Variants in TRPM7 observed in about 807,000 individuals in gnomAD.
The protein encoded by TRPM7 is LTRPC ion channel family member 7.
A neutral mutation model predicts 229.7 loss-of-function variants in TRPM7; 134 were observed. That is an observed-to-expected ratio of 0.58 (90% CI 0.51 to 0.67). The LOEUF (loss-of-function observed/expected upper bound fraction) is 0.67, where lower values mean the gene tolerates loss of function less well. Ranked by LOEUF, TRPM7 falls within the 30% of genes least tolerant of loss-of-function variation. The pLI, the probability that TRPM7 is intolerant of heterozygous loss-of-function variation, is 0.00. For synonymous variants in TRPM7, 699 were observed against 715.2 expected (o/e 0.98, Z 0.36); for missense variants, 1,901 against 2,210.0 (o/e 0.86, Z 2.80).
rs1278809033 is a variant in TRPM7, at chr15:50,558,465, G to A, written c.*3213C>T. The A allele has an allele frequency of 6.6e-6, 1 of 152,204 alleles. No individual in the cohort carries two copies. The highest frequency in any genetic ancestry group is 1.5e-5 in the Non-Finnish European group (1 of 68,096). 9.4% of individuals were successfully genotyped at this position (152,204 alleles called of 1,614,324 possible). A position where few individuals can be genotyped will look rare whatever the true frequency, so the allele number is the denominator to read the frequency against. On this transcript the variant is annotated 3_prime_UTR_variant, in exon 39 of 39. Transcript: ENST00000646667. ...CCCAGTACTTTGGGTAGCCGGGGGA[G>A]GTGGATCACTTGAGGTCAGGAGTTT...
chr15:50,581,147 T>A (rs2414059), intron 29 of TRPM7, among the ~76,000 whole-genome samples: 72,898 of 151,986 alleles, frequency 0.48, 17,718 homozygotes, highest in Admixed American at 0.56. Context: ...CCCACAACAT[T>A]GTCTTTCTAT....
rs969419090 is a variant in TRPM7, at chr15:50,673,270, G to GT, written c.4-10225dup. ...ACCTATACTATTTTTTATTTTTATTGTTTTTTACTTATTTCCATAGGTTAT... is the reference window on the plus strand; with the variant it reads ...ACCTATACTATTTTTTATTTTTATTGTTTTTTTACTTATTTCCATAGGTTAT... On this transcript the variant is annotated intron_variant, in intron 1 of 38. Coordinates refer to ENST00000646667, the MANE Select transcript of TRPM7 (RefSeq NM_017672.6). 1.8e-4 allele frequency among the ~76,000 whole-genome samples: 27 copies of GT among 151,866 alleles called. 1 individual carries two copies. Among genetic ancestry groups the GT allele is most frequent in the Admixed American group, 1.3e-4 (2 of 15,214 alleles).
chr15:50,592,920 T>C (rs1372418334), intron 25 of TRPM7, among the ~76,000 whole-genome samples: 2 of 152,198 alleles, frequency 1.3e-5, no homozygotes, highest in East Asian at 1.9e-4. Context: ...GCTACATATA[T>C]ACAGAACTAC....
chr15:50,587,136 C>T (rs1453029224), intron 27 of TRPM7, among the ~76,000 whole-genome samples: 6 of 152,196 alleles, frequency 3.9e-5, no homozygotes. Flanking sequence ...AAGCTATTAT[C>T]TTACATGTAT....
chr15:50,635,664 CAAAAAAAAAAAAAA>C (rs765054880), intron 7 of TRPM7, among the ~76,000 whole-genome samples: 31 of 56,572 alleles, frequency 5.5e-4, no homozygotes, highest in Admixed American at 1.2e-3. Context: ...CTCCATCTCC[CAAAAAAAAAAAAAA>C]AAAAAAAAAA....
At chr15:50,637,023 G>A (rs922926628) in intron 7 of TRPM7, among the ~76,000 whole-genome samples, 2 of 152,078 alleles carry the variant, frequency 1.3e-5, no homozygotes, top group Middle Eastern at 6.3e-3. Context: ...CTACTCAGGA[G>A]GCTGAGGCAG....
At chr15:50,594,807 G>T (rs536452670) in intron 23 of TRPM7, among the ~76,000 whole-genome samples, 194 bp from the exon 24 acceptor site, 6 of 151,990 alleles carry the variant, frequency 3.9e-5, no homozygotes, top group African/African-American at 1.4e-4. Context: ...ACATTCAGCA[G>T]AAAAAAATAA....
intron 27 of TRPM7, among the ~76,000 whole-genome samples, chr15:50,587,984 G>C (rs1428824648): frequency 6.6e-6 from 1 of 151,682 alleles, no homozygotes; most frequent in Non-Finnish European, 1.5e-5. Flanking sequence ...TCTTTTTATC[G>C]TGTGTCAGCT....
Position 50,559,538 on chromosome 15 carries a change from A to C in TRPM7, c.*2140T>G, listed in dbSNP as rs2053233454. The C allele has an allele frequency of 6.6e-6, 1 of 152,152 alleles. No individual in the cohort carries two copies. Among genetic ancestry groups the C allele is most frequent in the Admixed American group, 6.6e-5 (1 of 15,254 alleles). 9.4% of individuals were successfully genotyped at this position (152,152 alleles called of 1,614,324 possible). The stretch of plus-strand genomic sequence containing the variant: ...AAACAAAACAAAACAAAACAAAAAC[A>C]GTATAGATGAAAGGCAGCCAGCCTG... On this transcript the variant is annotated 3_prime_UTR_variant, in exon 39 of 39. Transcript: ENST00000646667.
chr15:50,682,928 G>A (rs2062274067), intron 1 of TRPM7, among the ~76,000 whole-genome samples: 1 of 150,802 alleles, frequency 6.6e-6, no homozygotes, highest in Non-Finnish European at 1.5e-5. Context: ...ACAGGGTCTG[G>A]TTCTGTTACC....
intron 2 of TRPM7, among the ~76,000 whole-genome samples, chr15:50,661,996 T>C (rs1174749848): frequency 1.3e-5 from 2 of 152,196 alleles, no homozygotes. Context: ...GGCAGGCAGA[T>C]GACCTCAGGT....
chr15:50,648,968 A>T (rs1426295622), intron 3 of TRPM7, 83 bp from the exon 4 acceptor site: 1 of 1,020,248 alleles, frequency 9.8e-7, no homozygotes, highest in African/African-American at 1.6e-5. Context: ...ATGAACCGAC[A>T]AATATAAGCT....
At chr15:50,653,625 T>TA in intron 3 of TRPM7, among the ~76,000 whole-genome samples, 1 of 152,242 alleles carries the variant, frequency 6.6e-6, no homozygotes, top group South Asian at 2.1e-4. Context: ...TTCTCAATCA[T>TA]AGAGATGACA....
At chr15:50,596,561 A>G (rs12441679) in intron 22 of TRPM7, among the ~76,000 whole-genome samples, 180 bp from the exon 23 acceptor site, 50,087 of 152,054 alleles carry the variant, frequency 0.33, 10,063 homozygotes, top group Admixed American at 0.47. Flanking sequence ...ACCCCAGCTT[A>G]AGAGTGTTCA....
At chr15:50,677,519 T>G (rs1445289570) in intron 1 of TRPM7, among the ~76,000 whole-genome samples, 1 of 151,628 alleles carries the variant, frequency 6.6e-6, no homozygotes, top group Non-Finnish European at 1.5e-5. Flanking sequence ...GGCAGGCGGA[T>G]CGCAAGGTCA....
chr15:50,670,278 C>T (rs1014341379), intron 1 of TRPM7, among the ~76,000 whole-genome samples: 2 of 152,018 alleles, frequency 1.3e-5, no homozygotes, highest in Non-Finnish European at 2.9e-5. Context: ...AGAGTGACTC[C>T]ATCTTGAATA....
At chr15:50,605,415 TA>T (rs1288176037) in intron 20 of TRPM7, among the ~76,000 whole-genome samples, 2 of 152,212 alleles carry the variant, frequency 1.3e-5, no homozygotes, top group Non-Finnish European at 2.9e-5. Context: ...ACCTGGATTG[TA>T]AAATACTTTT....
rs537545961 is a variant in TRPM7, at chr15:50,561,878, A to T, written c.5468-70T>A. The T allele has an allele frequency of 6.5e-6, 9 of 1,392,690 alleles. No individual in the cohort carries two copies. In the African/African-American group the frequency reaches 1.3e-4, roughly 21 times the overall value. The allele number at this position is 1,392,690 out of a possible 1,614,324, so 86.3% of individuals were successfully genotyped here. ...AAAGAAAAAAGTTAGTATTTCTTAG[A>T]AATGGAGAATTAGGAACCTTTTATT... On this transcript the variant is annotated intron_variant, in intron 38 of 38. Coordinates refer to ENST00000646667, the MANE Select transcript of TRPM7 (RefSeq NM_017672.6).
Position 50,612,685 on chromosome 15 carries a change from G to A in TRPM7, c.1915C>T (p.Arg639Cys), listed in dbSNP as rs1004946058. 10 of 1,613,954 alleles carry A rather than the reference G, an allele frequency of 6.2e-6. No individual in the cohort carries two copies. Among genetic ancestry groups the A allele is most frequent in the East Asian group, 2.2e-5 (1 of 44,876 alleles). The change falls in exon 16 of 39, where the codon CGT (arginine) becomes TGT (cysteine). Residue 639 changes from arginine (R) to cysteine (C), a missense_variant. Arg to Cys is a radical substitution (Grantham distance 180). This residue lies in a region of TRPM7 where 794 missense variants were observed against 881.9 expected (regional missense o/e 0.90). Transcript: ENST00000646667. Reference protein sequence around the residue: ...ACLMKRQVMARFLWQHGEESM... With the variant: ...ACLMKRQVMACFLWQHGEESM... ...TCTTCACCATGTTGCCATAAAAAAC[G>A]GGCCATGACCTGCCTCTTCATAAGG...
Sources: gnomAD v4.1 joint callset for allele counts (sites outside exome capture counted in the v4.1 genomes callset) on GRCh38, gnomAD v4.1.1 for gene constraint, gnomAD v4.1.1 regional missense constraint, MANE v1.5 for transcripts, NCBI Gene and HGNC (gene_info 2026-07-23, HGNC 2026-07-21) for gene names.